The following ZNF804B variants were observed in gnomAD, a reference collection of about 807,000 sequenced individuals.
ZNF804B encodes the protein zinc finger 804B.
A neutral mutation model predicts 101.4 loss-of-function variants in ZNF804B; 80 were observed. The ratio of observed to expected loss-of-function variants is 0.79; its 90% confidence interval spans 0.66 to 0.95. ZNF804B has a LOEUF of 0.95. ZNF804B is among the 40% of genes least tolerant of loss of function. The probability of loss-of-function intolerance (pLI) is 0.00; values close to 1 mark genes in which losing one functional copy is unlikely to be tolerated. For synonymous variants in ZNF804B, 622 were observed against 558.8 expected, an observed-to-expected ratio of 1.11 and a Z score of -1.59; for missense variants, 1,673 against 1,561.9, an observed-to-expected ratio of 1.07 and a Z score of -1.20.
At chr7:89,329,187 G>C (rs1790940691) in intron 3 of ZNF804B, among the ~76,000 whole-genome samples, 1 of 151,646 alleles carries the variant, frequency 6.6e-6, no homozygotes, top group African/African-American at 2.4e-5. Flanking sequence ...AACTCTCTAG[G>C]TCACAATGTG....
chr7:88,936,173 A>C (rs1792967015), intron 1 of ZNF804B, among the ~76,000 whole-genome samples: 2 of 151,652 alleles, frequency 1.3e-5, no homozygotes, highest in African/African-American at 4.8e-5. Context: ...CTTGGAAAGC[A>C]CTTTAAGAAT....
At chr7:88,892,514 T>C (rs1291929155) in intron 1 of ZNF804B, among the ~76,000 whole-genome samples, 1 of 152,132 alleles carries the variant, frequency 6.6e-6, no homozygotes, top group Non-Finnish European at 1.5e-5. Context: ...TTGTATAGAG[T>C]ATCTTTTCTC....
intron 1 of ZNF804B, among the ~76,000 whole-genome samples, chr7:88,861,809 TGGAGAAG>T (rs1791651138): frequency 6.6e-6 from 1 of 152,192 alleles, no homozygotes; most frequent in Admixed American, 6.5e-5. Context: ...TTAACTATTT[TGGAGAAG>T]GGAGAAATGC....
chr7:89,196,344 TC>T (rs1355288722), intron 1 of ZNF804B, among the ~76,000 whole-genome samples: 1 of 152,050 alleles, frequency 6.6e-6, no homozygotes, highest in Non-Finnish European at 1.5e-5. Context: ...AACCATGAGA[TC>T]TTTGACAAAC....
rs543558727 is a variant in ZNF804B at position 89,099,682 on chromosome 7, C to A, written c.109-118473C>A. ...TAGAGCTCTACATAGGGAAATTTCT[C>A]AGTAACGGTTGTGTTGGGGTTTTGA... On this transcript the variant is annotated intron_variant, in intron 1 of 3. Transcript: ENST00000333190. 2.0e-5 allele frequency among the ~76,000 whole-genome samples: 3 copies of A among 152,284 alleles called. No homozygotes were observed. In the East Asian group the frequency reaches 5.8e-4, roughly 29 times the overall value.
chr7:89,078,275 A>G (rs1461635954), intron 1 of ZNF804B, among the ~76,000 whole-genome samples: 2 of 152,068 alleles, frequency 1.3e-5, no homozygotes, highest in Non-Finnish European at 2.9e-5. Flanking sequence ...ATCAAGTTTA[A>G]TCAGTATATT....
intron 1 of ZNF804B, among the ~76,000 whole-genome samples, chr7:89,075,698 T>A (rs1420822579): frequency 6.6e-6 from 1 of 152,006 alleles, no homozygotes; most frequent in Non-Finnish European, 1.5e-5. Flanking sequence ...AAGGCCACAA[T>A]CCTCCAGACC....
intron 2 of ZNF804B, among the ~76,000 whole-genome samples, chr7:89,268,326 C>A (rs1040380562): frequency 6.6e-6 from 1 of 151,968 alleles, no homozygotes; most frequent in African/African-American, 2.4e-5. Context: ...TTTAACAATT[C>A]TTTTTTAAAA....
At chr7:88,785,712 C>A (rs1790291801) in intron 1 of ZNF804B, among the ~76,000 whole-genome samples, 1 of 152,160 alleles carries the variant, frequency 6.6e-6, no homozygotes, top group Non-Finnish European at 1.5e-5. Context: ...GTTCTCCCAA[C>A]ACAGTATGCT....
At chr7:88,884,219 G>A (rs1056432898) in intron 1 of ZNF804B, among the ~76,000 whole-genome samples, 1 of 151,248 alleles carries the variant, frequency 6.6e-6, no homozygotes, top group Non-Finnish European at 1.5e-5. Context: ...TGTTATTAAT[G>A]CAGAGTATTA....
intron 2 of ZNF804B, among the ~76,000 whole-genome samples, chr7:89,293,235 A>G (rs1208770391): frequency 6.6e-6 from 1 of 152,096 alleles, no homozygotes; most frequent in Non-Finnish European, 1.5e-5. Flanking sequence ...TTTGAAATGT[A>G]TAATACGTTA....
intron 1 of ZNF804B, among the ~76,000 whole-genome samples, chr7:89,055,448 C>T (rs909812217): frequency 6.6e-6 from 1 of 151,912 alleles, no homozygotes; most frequent in Non-Finnish European, 1.5e-5. Context: ...GAATGAGCAC[C>T]GGGATTGGGG....
intron 1 of ZNF804B, among the ~76,000 whole-genome samples, chr7:89,212,580 G>A (rs1788822212): frequency 6.6e-6 from 1 of 152,072 alleles, no homozygotes; most frequent in Non-Finnish European, 1.5e-5. Context: ...CGCAGTGAAA[G>A]GTCAGGTTAA....
chr7:89,157,250 A>T (rs1790992566), intron 1 of ZNF804B, among the ~76,000 whole-genome samples: 1 of 152,196 alleles, frequency 6.6e-6, no homozygotes, highest in Admixed American at 6.5e-5. Context: ...AAATCATGTT[A>T]TCTGAAATAT....
intron 1 of ZNF804B, among the ~76,000 whole-genome samples, chr7:88,969,536 T>C (rs530848205): frequency 1.3e-5 from 2 of 151,738 alleles, no homozygotes; most frequent in East Asian, 3.9e-4. Context: ...TGATGACATT[T>C]TTTTCTTCCA....
rs1178138395 is a variant in ZNF804B at position 89,231,402 on chromosome 7, CTT to C, written c.249+13108_249+13109del. Among the ~76,000 whole-genome samples the C allele has an allele frequency of 3.3e-5, 5 of 152,102 alleles. No homozygotes were observed. In the South Asian group the frequency reaches 6.2e-4, roughly 19 times the overall value. On this transcript the variant is annotated intron_variant, in intron 2 of 3. Transcript: ENST00000333190. ...ATAGTATGAGTTCTCCAAATTTGCT[CTT>C]GTTTTTAACAATTGTCATAGCGATT...
chr7:89,248,466 G>GAAAAAAAAAAA (rs139869508), intron 2 of ZNF804B, among the ~76,000 whole-genome samples: 1 of 140,828 alleles, frequency 7.1e-6, no homozygotes, highest in Non-Finnish European at 1.5e-5. Context: ...AGCATTCTTT[G>GAAAAAAAAAAA]AAAAAAAAAG....
intron 1 of ZNF804B, among the ~76,000 whole-genome samples, chr7:88,903,478 G>A (rs925920541): frequency 2.6e-5 from 4 of 152,128 alleles, no homozygotes; most frequent in African/African-American, 9.7e-5. Flanking sequence ...CCAGTACTGG[G>A]ATTGCTGTGT....
At chr7:89,095,181 A>G (rs1272099151) in intron 1 of ZNF804B, among the ~76,000 whole-genome samples, 1 of 152,208 alleles carries the variant, frequency 6.6e-6, no homozygotes, top group South Asian at 2.1e-4. Context: ...ATGCCCTTAT[A>G]AAGGGATTTG....
Sources: allele counts gnomAD v4.1 joint callset (sites outside exome capture counted in the v4.1 genomes callset), GRCh38; gene constraint gnomAD v4.1.1; transcripts MANE v1.5; gene names NCBI Gene and HGNC (gene_info 2026-07-23, HGNC 2026-07-21).